The following ADGRL2 variants were observed in gnomAD, a reference collection of about 807,000 sequenced individuals.
The protein encoded by ADGRL2 is calcium-independent alpha-latrotoxin receptor 2.
ADGRL2 carries 44 observed loss-of-function variants against 157.4 expected under a neutral mutation model. The ratio of observed to expected loss-of-function variants is 0.28; its 90% CI spans 0.22 to 0.36. ADGRL2 has a LOEUF of 0.36. ADGRL2 is among the 10% of genes least tolerant of loss of function. The pLI, the probability that ADGRL2 is intolerant of heterozygous loss-of-function variation, is 1.00. For missense variants in ADGRL2, 1,510 were observed against 1,768.9 expected (o/e 0.85, Z 2.63); for synonymous variants, 585 against 624.7 (o/e 0.94, Z 0.95).
intron 2 of ADGRL2, among the ~76,000 whole-genome samples, chr1:81,551,779 T>C (rs1027213713): frequency 7.2e-5 from 11 of 152,282 alleles, no homozygotes; most frequent in African/African-American, 2.6e-4. Flanking sequence ...CTGAAACATA[T>C]AGCTTTTTAA....
chr1:81,739,051 G>A (rs1392176666), intron 1 of ADGRL2, among the ~76,000 whole-genome samples: 1 of 152,170 alleles, frequency 6.6e-6, no homozygotes, highest in Non-Finnish European at 1.5e-5. Flanking sequence ...AAAACCTTTT[G>A]TGCTGGTAAC....
chr1:81,872,427 A>G (rs1453914415), intron 2 of ADGRL2, among the ~76,000 whole-genome samples: 2 of 152,112 alleles, frequency 1.3e-5, no homozygotes, highest in Non-Finnish European at 2.9e-5. Flanking sequence ...GTCTAGTCAA[A>G]TGGTAAACAT....
intron 2 of ADGRL2, among the ~76,000 whole-genome samples, chr1:81,900,049 T>C (rs1337568940): frequency 1.3e-5 from 2 of 152,172 alleles, no homozygotes; most frequent in Admixed American, 1.3e-4. Flanking sequence ...TTCATTTTTA[T>C]TGGATATAAC....
chr1:81,909,377 G>A (rs1405989125), intron 3 of ADGRL2, among the ~76,000 whole-genome samples: 1 of 151,926 alleles, frequency 6.6e-6, no homozygotes, highest in Non-Finnish European at 1.5e-5. Context: ...ATATAGTTAA[G>A]ACTTAAAACA....
intron 1 of ADGRL2, among the ~76,000 whole-genome samples, chr1:81,431,092 G>A (rs948737008): frequency 1.2e-4 from 19 of 152,136 alleles, no homozygotes; most frequent in Admixed American, 1.2e-3. Context: ...TTCTTTTATA[G>A]TCTGACATCA....
chr1:81,858,706 C>A (rs2093288532), intron 2 of ADGRL2, among the ~76,000 whole-genome samples: 1 of 152,030 alleles, frequency 6.6e-6, no homozygotes, highest in African/African-American at 2.4e-5. Context: ...AAATTTAGCA[C>A]ACTCTAAAAA....
At chr1:81,371,394 A>C (rs902991167) in intron 1 of ADGRL2, among the ~76,000 whole-genome samples, 11 of 152,212 alleles carry the variant, frequency 7.2e-5, no homozygotes, top group Non-Finnish European at 1.2e-4. Context: ...AAGGAAAGAA[A>C]AGTATCAATA....
At chr1:81,962,853 C>A (rs1385773995) in intron 11 of ADGRL2, among the ~76,000 whole-genome samples, 3 of 152,050 alleles carry the variant, frequency 2.0e-5, no homozygotes, top group Non-Finnish European at 4.4e-5. Flanking sequence ...ATGTTAATAT[C>A]TGTTGAGTCT....
At chr1:81,742,597 C>G (rs1498204) in intron 1 of ADGRL2, among the ~76,000 whole-genome samples, 44,723 of 151,620 alleles carry the variant, frequency 0.29, 6,782 homozygotes, top group South Asian at 0.39. Context: ...AAGAATGCAA[C>G]GAAAGAACTG....
At chr1:81,340,974 A>G (rs775913965) in intron 1 of ADGRL2, among the ~76,000 whole-genome samples, 2 of 152,052 alleles carry the variant, frequency 1.3e-5, no homozygotes, top group Admixed American at 6.6e-5. Flanking sequence ...CACATCGTCA[A>G]TGGGCATGCA....
chr1:81,846,032 G>A (rs374214393), intron 2 of ADGRL2, among the ~76,000 whole-genome samples: 7 of 151,374 alleles, frequency 4.6e-5, no homozygotes, highest in East Asian at 3.9e-4. Flanking sequence ...TTTTGAATCC[G>A]TCAGGAATTA....
chr1:81,796,862 G>T (rs1291587609), upstream of ADGRL2, among the ~76,000 whole-genome samples: 1 of 152,090 alleles, frequency 6.6e-6, no homozygotes, highest in Non-Finnish European at 1.5e-5. Context: ...CTACATTTTG[G>T]ATAGGGTTTG....
intron 1 of ADGRL2, among the ~76,000 whole-genome samples, chr1:81,757,385 G>T (rs947895866): frequency 2.6e-5 from 4 of 152,162 alleles, no homozygotes; most frequent in Non-Finnish European, 5.9e-5. Flanking sequence ...TTGTAACCTA[G>T]ATTAATAGTC....
At chr1:81,357,692 C>T (rs1663415929) in intron 1 of ADGRL2, among the ~76,000 whole-genome samples, 1 of 152,010 alleles carries the variant, frequency 6.6e-6, no homozygotes, top group Non-Finnish European at 1.5e-5. Context: ...ATAAAGAAAG[C>T]TTGGCTGGGG....
chr1:81,684,958 T>G (rs1244185261), intron 3 of ADGRL2, among the ~76,000 whole-genome samples: 2 of 152,160 alleles, frequency 1.3e-5, no homozygotes, highest in Admixed American at 1.3e-4. Context: ...GTATTTGGGT[T>G]TATTTCTGAG....
intron 2 of ADGRL2, among the ~76,000 whole-genome samples, chr1:81,870,552 A>G (rs536218953): frequency 2.8e-4 from 43 of 152,192 alleles, no homozygotes; most frequent in African/African-American, 9.6e-4. Flanking sequence ...TAATTCTGAC[A>G]TAGTTGAAAA....
At chr1:81,871,600 T>G (rs1034902693) in intron 2 of ADGRL2, among the ~76,000 whole-genome samples, 2 of 152,172 alleles carry the variant, frequency 1.3e-5, no homozygotes, top group African/African-American at 2.4e-5. Flanking sequence ...GCACCTGTTG[T>G]TTCCTGACTT....
intron 2 of ADGRL2, among the ~76,000 whole-genome samples, chr1:81,509,774 C>T (rs956887152): frequency 6.6e-6 from 1 of 152,188 alleles, no homozygotes; most frequent in Non-Finnish European, 1.5e-5. Context: ...CAGGCAAGCG[C>T]TCTATTGAAT....
At chr1:81,339,040 C>T (rs1661862501) in intron 1 of ADGRL2, among the ~76,000 whole-genome samples, 1 of 152,196 alleles carries the variant, frequency 6.6e-6, no homozygotes, top group South Asian at 2.1e-4. Flanking sequence ...ATGGTTTACT[C>T]TCTCTCTTGA....
Sources: allele counts gnomAD v4.1 joint callset (sites outside exome capture counted in the v4.1 genomes callset), GRCh38; gene constraint gnomAD v4.1.1; transcripts MANE v1.5; gene names NCBI Gene and HGNC (gene_info 2026-07-23, HGNC 2026-07-21).